Variants in CSMD3 observed in about 807,000 individuals in gnomAD.
CSMD3 encodes CUB and Sushi multiple domains 3, also known as CUB and sushi domain-containing protein 3.
CSMD3 carries 177 observed loss-of-function variants against 435.2 expected under a neutral mutation model. The observed-to-expected ratio is 0.41, with a 90% confidence interval of 0.36 to 0.46. The LOEUF is 0.46. Ranked by LOEUF, CSMD3 falls within the 20% of genes least tolerant of loss-of-function variation. CSMD3 has a pLI of 0.34. For synonymous variants in CSMD3, 1,656 were observed against 1,520.5 expected, an observed-to-expected ratio of 1.09 and a Z score of -2.07; for missense variants, 4,265 against 4,504.6, an observed-to-expected ratio of 0.95 and a Z score of 1.52.
At chr8:112,911,261 A>T (rs6984386) in intron 10 of CSMD3, among the ~76,000 whole-genome samples, 67,387 of 129,674 alleles carry the variant, frequency 0.52, 15,132 homozygotes, top group East Asian at 0.61. Context: ...CATTTACTTT[A>T]AAATATCTCC....
rs370628923 is a variant in CSMD3, at chr8:112,587,192, C to G, written c.3759G>C (p.Leu1253=). The stretch of plus-strand genomic sequence containing the variant: ...CATAGTTGAGTGGATAATTTGGAGA[C>G]AGCAAAATTCCTTCATTATTCGTTG... ...ASATNNEGIL[L]SPNYPLNYEN... Residue 1253 remains leucine (L), a synonymous_variant, in exon 23 of 71, where the codon CTG becomes CTC. Transcript: ENST00000297405. 1 of 1,610,032 alleles carries G rather than the reference C, an allele frequency of 6.2e-7. No individual in the cohort carries two copies. The highest frequency in any genetic ancestry group is 8.5e-7 in the Non-Finnish European group (1 of 1,177,098).
intron 61 of CSMD3, among the ~76,000 whole-genome samples, chr8:112,256,166 A>C (rs996529195): frequency 1.3e-5 from 2 of 152,160 alleles, no homozygotes; most frequent in African/African-American, 4.8e-5. Context: ...GGGGCACTTG[A>C]ACATGTCAGT....
intron 1 of CSMD3, among the ~76,000 whole-genome samples, chr8:113,356,363 T>C (rs1392692785): frequency 6.6e-6 from 1 of 152,144 alleles, no homozygotes; most frequent in Non-Finnish European, 1.5e-5. Flanking sequence ...GAGAGAACTA[T>C]GTTCATCAAA....
At chr8:113,079,177 C>T (rs985909084) in intron 5 of CSMD3, among the ~76,000 whole-genome samples, 1 of 152,008 alleles carries the variant, frequency 6.6e-6, no homozygotes, top group Non-Finnish European at 1.5e-5. Context: ...ATAGTAAAAT[C>T]GAGCAGATGA....
At chr8:112,278,363 T>C (rs1326364313) in intron 59 of CSMD3, among the ~76,000 whole-genome samples, 1 of 152,192 alleles carries the variant, frequency 6.6e-6, no homozygotes, top group Non-Finnish European at 1.5e-5. Context: ...ATTTAAATGA[T>C]AGATCTAAGT....
chr8:112,686,507 G>A, intron 14 of CSMD3, among the ~76,000 whole-genome samples: 1 of 142,722 alleles, frequency 7.0e-6, no homozygotes, highest in Non-Finnish European at 1.5e-5. Flanking sequence ...TTTTTTCTGA[G>A]ACGGAGTCTC....
chr8:112,335,727 C>A, intron 44 of CSMD3, among the ~76,000 whole-genome samples: 1 of 145,218 alleles, frequency 6.9e-6, no homozygotes, highest in Admixed American at 6.9e-5. Flanking sequence ...ATAATCAATA[C>A]ATTGTCTTTG....
At chr8:112,228,669 T>G in intron 70 of CSMD3, 87 bp downstream of exon 70, 1 of 1,391,922 alleles carries the variant, frequency 7.2e-7, no homozygotes, top group Admixed American at 1.8e-5. Context: ...GAAGAAAATT[T>G]GAAATTAAGA....
At chr8:113,432,354 C>T (rs1420088195) in intron 1 of CSMD3, among the ~76,000 whole-genome samples, 2 of 152,226 alleles carry the variant, frequency 1.3e-5, no homozygotes, top group East Asian at 1.9e-4. Flanking sequence ...GAGAACCAGC[C>T]TCATGCCTGA....
chr8:112,536,847 T>C (rs529606366), intron 27 of CSMD3, among the ~76,000 whole-genome samples: 2 of 151,962 alleles, frequency 1.3e-5, no homozygotes, highest in South Asian at 4.1e-4. Flanking sequence ...CCATAAAAAA[T>C]GATGAGTTCA....
intron 30 of CSMD3, among the ~76,000 whole-genome samples, chr8:112,500,044 G>T (rs748245709): frequency 1.4e-3 from 218 of 152,240 alleles, no homozygotes; most frequent in Admixed American, 3.5e-3. Context: ...GGGATGCAAA[G>T]GTTGCGGTGA....
At chr8:113,202,578 C>G (rs2132036464) in intron 3 of CSMD3, among the ~76,000 whole-genome samples, 1 of 152,142 alleles carries the variant, frequency 6.6e-6, no homozygotes, top group Non-Finnish European at 1.5e-5. Context: ...TTGATATTTC[C>G]TTTTATTCTG....
At chr8:112,683,961 G>C (rs1027979767) in intron 15 of CSMD3, among the ~76,000 whole-genome samples, 3 of 151,386 alleles carry the variant, frequency 2.0e-5, no homozygotes, top group Non-Finnish European at 4.4e-5. Context: ...TGATTAAGCA[G>C]TGTAACTCTA....
chr8:112,602,620 C>T (rs1421392485), intron 22 of CSMD3, among the ~76,000 whole-genome samples: 1 of 151,092 alleles, frequency 6.6e-6, no homozygotes, highest in African/African-American at 2.4e-5. Context: ...TTTTGACTTC[C>T]CCAAAACTTA....
Position 113,156,732 on chromosome 8 carries a change from CTAAATAAATAAA to C in CSMD3, c.709+16978_709+16989del, listed in dbSNP as rs34302914. On this transcript the variant is annotated intron_variant, in intron 4 of 70. Transcript: ENST00000297405. ...CTTGGGAAACATGGCAAAATCTCAC[CTAAATAAATAAA>C]TAAATAAATAAATAAATAAATAAAT... Among the ~76,000 whole-genome samples, 295 of 105,748 alleles carry C rather than the reference CTAAATAAATAAA, an allele frequency of 2.8e-3. 1 individual carries two copies. Among genetic ancestry groups the C allele is most frequent in the African/African-American group, 8.6e-3 (243 of 28,232 alleles). 69.4% of individuals were successfully genotyped at this position (105,748 alleles called of 152,430 possible). A position where few individuals can be genotyped will look rare whatever the true frequency, so the allele number is the denominator to read the frequency against.
chr8:113,098,503 T>C (rs534698590), intron 5 of CSMD3: 10 of 465,832 alleles, frequency 2.1e-5, no homozygotes, highest in African/African-American at 1.8e-4. Context: ...TGGACTGGCA[T>C]GCTAAAAAAC....
intron 27 of CSMD3, among the ~76,000 whole-genome samples, chr8:112,542,120 T>A (rs1044345569): frequency 1.3e-5 from 2 of 150,520 alleles, no homozygotes; most frequent in African/African-American, 2.4e-5. Flanking sequence ...AAAAAAATCC[T>A]CAATATATTA....
chr8:112,473,038 T>C (rs867506721), intron 31 of CSMD3, among the ~76,000 whole-genome samples: 1 of 152,234 alleles, frequency 6.6e-6, no homozygotes, highest in African/African-American at 2.4e-5. Flanking sequence ...AAAATACATA[T>C]GCAAGTGGGA....
rs770169267 is a variant in CSMD3, at chr8:112,254,245, G to GTA, written c.10110+6_10110+7dup. 3.7e-5 allele frequency: 60 copies of GTA among 1,604,602 alleles called. No individual in the cohort carries two copies. The highest frequency in any genetic ancestry group is 5.0e-5 in the Non-Finnish European group (59 of 1,171,802). On this transcript the variant is annotated splice_region_variant and intron_variant, in intron 63 of 70. Transcript: ENST00000297405. ...ATGATGCTAAATGGACATAGCTAAA[G>GTA]TACCCACTTGAAATCCGAATGTATT...
Sources: gnomAD v4.1 joint callset for allele counts (sites outside exome capture counted in the v4.1 genomes callset) on GRCh38, gnomAD v4.1.1 for gene constraint, MANE v1.5 for transcripts, NCBI Gene and HGNC (gene_info 2026-07-23, HGNC 2026-07-21) for gene names.